Variants in ESRRG observed in about 807,000 individuals in gnomAD.
ESRRG encodes the protein estrogen related receptor gamma.
Under a neutral mutation model 44.0 loss-of-function variants are expected in ESRRG, and 13 were observed. The ratio of observed to expected loss-of-function variants is 0.30; its 90% CI spans 0.19 to 0.47. The LOEUF (loss-of-function observed/expected upper bound fraction) is 0.47, where lower values mean the gene tolerates loss of function less well. Ranked by LOEUF, ESRRG falls within the 20% of genes least tolerant of loss-of-function variation. The pLI is 1.00. For missense variants in ESRRG, 395 were observed against 580.6 expected (o/e 0.68, Z 3.29); for synonymous variants, 215 against 214.6 (o/e 1.00, Z -0.02).
At chr1:216,707,275 C>G in intron 1 of ESRRG, 1 of 1,441,118 alleles carries the variant, frequency 6.9e-7, no homozygotes, top group Non-Finnish European at 9.3e-7. Flanking sequence ...AAAATCAAAC[C>G]ATATACAAGT....
At chr1:216,978,832 T>C (rs1465709411) in intron 1 of ESRRG, among the ~76,000 whole-genome samples, 1 of 152,104 alleles carries the variant, frequency 6.6e-6, no homozygotes, top group African/African-American at 2.4e-5. Flanking sequence ...GAGGCCAAGG[T>C]CTCTTTCCTT....
chr1:216,998,246 G>A (rs1235390951), intron 1 of ESRRG, among the ~76,000 whole-genome samples: 1 of 152,116 alleles, frequency 6.6e-6, no homozygotes, highest in Admixed American at 6.5e-5. Flanking sequence ...TCAAATAGAT[G>A]TTTTATCTGA....
At chr1:216,892,612 G>A (rs2057948753) in intron 2 of ESRRG, among the ~76,000 whole-genome samples, 1 of 152,176 alleles carries the variant, frequency 6.6e-6, no homozygotes, top group African/African-American at 2.4e-5. Flanking sequence ...TGCAGGCTGA[G>A]TCTGTAGGAT....
chr1:216,955,289 G>C (rs2067742810), intron 1 of ESRRG, among the ~76,000 whole-genome samples: 1 of 151,952 alleles, frequency 6.6e-6, no homozygotes, highest in African/African-American at 2.4e-5. Flanking sequence ...GAACATCCAG[G>C]GTATTTCTTT....
chr1:216,531,398 C>G (rs10863248), intron 5 of ESRRG, among the ~76,000 whole-genome samples: 52,979 of 151,716 alleles, frequency 0.35, 9,375 homozygotes, highest in African/African-American at 0.37. Context: ...GTTCACGGCT[C>G]GTGTTTGCTG....
chr1:217,134,654 TGAGA>T (rs577787713), intron 1 of ESRRG, among the ~76,000 whole-genome samples: 190 of 152,340 alleles, frequency 1.2e-3, no homozygotes, highest in Admixed American at 2.0e-3. Context: ...GCTGCGCGCC[TGAGA>T]GAAAGAGCGC....
intron 1 of ESRRG, among the ~76,000 whole-genome samples, chr1:217,106,299 G>C (rs977192746): frequency 1.3e-5 from 2 of 151,842 alleles, no homozygotes; most frequent in African/African-American, 4.8e-5. Flanking sequence ...ATGAAGGTCA[G>C]ACCTCTTCTA....
intron 2 of ESRRG, among the ~76,000 whole-genome samples, chr1:216,666,930 C>T (rs185795066): frequency 5.9e-4 from 90 of 152,178 alleles, no homozygotes; most frequent in African/African-American, 2.0e-3. Flanking sequence ...TAAGAGAACT[C>T]TCCTCCCCCC....
rs116172409 is a variant in ESRRG at position 216,579,624 on chromosome 1, T to C, written c.590-11526A>G. ...AAAAGTTTGTATTTGTAACAAGTCA[T>C]GAATTTCCTGACAGACTTCCCTGTG... On this transcript the variant is annotated intron_variant, in intron 3 of 6. Coordinates refer to ENST00000408911, the MANE Select transcript of ESRRG (RefSeq NM_001438.4). Among the ~76,000 whole-genome samples, 195 of 152,272 alleles carry C rather than the reference T, an allele frequency of 1.3e-3. 1 individual carries two copies. Among genetic ancestry groups the C allele is most frequent in the African/African-American group, 4.5e-3 (186 of 41,564 alleles).
intron 1 of ESRRG, chr1:216,681,852 T>A (rs1165937396): frequency 1.3e-5 from 2 of 152,216 alleles, no homozygotes; most frequent in Non-Finnish European, 2.9e-5. Context: ...GTTCAATTTC[T>A]ATTGTAATTA....
Position 217,098,880 on chromosome 1 carries a change from T to C in ESRRG, c.-230+38787A>G, listed in dbSNP as rs191053937. Among the ~76,000 whole-genome samples, 298 of 152,306 alleles carry C rather than the reference T, an allele frequency of 2.0e-3. 2 individuals are homozygous for C. The highest frequency in any genetic ancestry group is 7.0e-3 in the African/African-American group (291 of 41,580). On this transcript the variant is annotated intron_variant, in intron 1 of 8. Coordinates refer to the ESRRG transcript ENST00000366940. ...GTTTTCCTCAGCTCCCTCAAGACTT[T>C]GTTAAAGTAGCACCCTCTTAGGGAG...
intron 3 of ESRRG, among the ~76,000 whole-genome samples, chr1:216,580,789 A>ACTT (rs1197132693): frequency 6.6e-6 from 1 of 152,198 alleles, no homozygotes; most frequent in African/African-American, 2.4e-5. Flanking sequence ...ACATCAACAT[A>ACTT]CTTCATATCT....
intron 3 of ESRRG, among the ~76,000 whole-genome samples, chr1:216,636,256 C>G (rs1371403048): frequency 6.6e-6 from 1 of 152,136 alleles, no homozygotes; most frequent in African/African-American, 2.4e-5. Context: ...CTGTATTTAA[C>G]CTGTAACTTT....
upstream of ESRRG, among the ~76,000 whole-genome samples, chr1:217,093,503 C>T (rs371304225): frequency 1.2e-4 from 19 of 152,114 alleles, no homozygotes; most frequent in Admixed American, 7.9e-4. Flanking sequence ...TTCAAACCTA[C>T]GGTTTCCGGT....
chr1:216,719,179 C>T (rs527975921), intron 1 of ESRRG, among the ~76,000 whole-genome samples: 1 of 152,110 alleles, frequency 6.6e-6, no homozygotes, highest in African/African-American at 2.4e-5. Flanking sequence ...ATGGCTTCTT[C>T]TTTGTCTGTA....
At chr1:216,508,718 A>C (rs929702474) in intron 6 of ESRRG, among the ~76,000 whole-genome samples, 1 of 152,212 alleles carries the variant, frequency 6.6e-6, no homozygotes, top group African/African-American at 2.4e-5. Flanking sequence ...TAGGGACAGA[A>C]AAACATTCAT....
chr1:216,660,892 C>G (rs1430952320), intron 2 of ESRRG, among the ~76,000 whole-genome samples: 1 of 152,058 alleles, frequency 6.6e-6, no homozygotes, highest in African/African-American at 2.4e-5. Context: ...CAGAGCATGT[C>G]ACCAAAGCAA....
At chr1:216,817,154 AAAT>A (rs2095165318) in intron 2 of ESRRG, among the ~76,000 whole-genome samples, 1 of 152,100 alleles carries the variant, frequency 6.6e-6, no homozygotes, top group South Asian at 2.1e-4. Flanking sequence ...ACACACATTC[AAAT>A]AATGTCTGGA....
intron 2 of ESRRG, among the ~76,000 whole-genome samples, chr1:216,931,865 A>G (rs1486394210): frequency 6.6e-6 from 1 of 151,766 alleles, no homozygotes; most frequent in Non-Finnish European, 1.5e-5. Flanking sequence ...AAATAAATAC[A>G]TTTGACTTCT....
Sources: gnomAD v4.1 joint callset for allele counts (sites outside exome capture counted in the v4.1 genomes callset) on GRCh38, gnomAD v4.1.1 for gene constraint, MANE v1.5 for transcripts, NCBI Gene and HGNC (gene_info 2026-07-23, HGNC 2026-07-21) for gene names.